The following SLC8A1 variants were observed in gnomAD, a reference collection of about 807,000 sequenced individuals.
SLC8A1 encodes sodium/calcium exchanger 1.
SLC8A1 carries 18 observed loss-of-function variants against 68.3 expected under a neutral mutation model. The observed-to-expected ratio is 0.26, with a 90% CI of 0.18 to 0.39. The LOEUF (loss-of-function observed/expected upper bound fraction) is 0.39, where lower values mean the gene tolerates loss of function less well. Ranked by LOEUF, SLC8A1 falls within the 10% of genes least tolerant of loss-of-function variation. The probability of loss-of-function intolerance (pLI) is 1.00; values close to 1 mark genes in which losing one functional copy is unlikely to be tolerated. For missense variants in SLC8A1, 985 were observed against 1,156.7 expected, an observed-to-expected ratio of 0.85 and a Z score of 2.15; for synonymous variants, 475 against 415.5, an observed-to-expected ratio of 1.14 and a Z score of -1.74.
At chr2:40,122,736 C>G (rs2037194809) in intron 7 of SLC8A1, among the ~76,000 whole-genome samples, 1 of 152,176 alleles carries the variant, frequency 6.6e-6, no homozygotes, top group African/African-American at 2.4e-5. Flanking sequence ...ACAATGATGC[C>G]TCCCTTAGAT....
intron 2 of SLC8A1, among the ~76,000 whole-genome samples, chr2:40,311,670 A>G (rs1016074869): frequency 6.6e-6 from 1 of 152,252 alleles, no homozygotes; most frequent in East Asian, 1.9e-4. Flanking sequence ...GTGGAATTAT[A>G]TAAGGATTTA....
intron 2 of SLC8A1, among the ~76,000 whole-genome samples, chr2:40,340,861 T>C (rs1235241009): frequency 6.6e-6 from 1 of 152,096 alleles, no homozygotes; most frequent in Non-Finnish European, 1.5e-5. Context: ...GACAATGAGA[T>C]AGCACGCACC....
chr2:40,405,049 C>T (rs1480862219), intron 2 of SLC8A1, among the ~76,000 whole-genome samples: 3 of 152,128 alleles, frequency 2.0e-5, no homozygotes, highest in Non-Finnish European at 4.4e-5. Flanking sequence ...TACTCCCCCT[C>T]CCCAGCCCCA....
intron 6 of SLC8A1, among the ~76,000 whole-genome samples, chr2:40,142,563 C>G (rs2148309756): frequency 6.6e-6 from 1 of 152,272 alleles, no homozygotes; most frequent in East Asian, 1.9e-4. Context: ...TACAAAATTA[C>G]TTAATTTGGG....
chr2:40,415,714 T>C (rs980097400), intron 2 of SLC8A1, among the ~76,000 whole-genome samples: 6 of 152,154 alleles, frequency 3.9e-5, no homozygotes, highest in African/African-American at 1.4e-4. Context: ...CAACCAGGTG[T>C]GGCCTGTTAT....
intron 2 of SLC8A1, among the ~76,000 whole-genome samples, chr2:40,271,167 C>T (rs775038830): frequency 2.1e-4 from 23 of 110,606 alleles, no homozygotes; most frequent in Admixed American, 5.3e-4. Context: ...ACAAGACCCC[C>T]AAGCCCCCCT....
intron 1 of SLC8A1, among the ~76,000 whole-genome samples, chr2:40,485,162 T>A (rs1704880344): frequency 6.6e-6 from 1 of 151,754 alleles, no homozygotes; most frequent in Non-Finnish European, 1.5e-5. Context: ...AGAACAACCA[T>A]CCCCTCCACC....
chr2:40,166,612 G>A (rs2148486345), intron 4 of SLC8A1, among the ~76,000 whole-genome samples: 1 of 152,246 alleles, frequency 6.6e-6, no homozygotes, highest in Admixed American at 6.5e-5. Context: ...ATGACCCAAG[G>A]GAAGGCAAAG....
At chr2:40,365,795 G>A (rs1318576052) in intron 2 of SLC8A1, among the ~76,000 whole-genome samples, 1 of 151,936 alleles carries the variant, frequency 6.6e-6, no homozygotes, top group Non-Finnish European at 1.5e-5. Flanking sequence ...GAGGCCAGGA[G>A]TTCAAGACCA....
At chr2:40,275,032 T>C (rs1291791368) in intron 2 of SLC8A1, among the ~76,000 whole-genome samples, 1 of 152,234 alleles carries the variant, frequency 6.6e-6, no homozygotes, top group Non-Finnish European at 1.5e-5. Context: ...GAAGCATTTT[T>C]AGCTAAAATG....
At chr2:40,114,113 ATACTC>A (rs1329404176) in exon 8 of SLC8A1, 4 of 152,784 alleles carry the variant, frequency 2.6e-5, no homozygotes, top group Admixed American at 2.0e-4. Flanking sequence ...AGTATGTACT[ATACTC>A]TACTATATAC....
At chr2:40,177,513 C>A (rs2048692918) in intron 3 of SLC8A1, among the ~76,000 whole-genome samples, 2 of 151,966 alleles carry the variant, frequency 1.3e-5, no homozygotes, top group Non-Finnish European at 2.9e-5. Flanking sequence ...TACAGAAATC[C>A]CTTTCAGTGT....
At chr2:40,439,242 C>A (rs1328175096) in intron 1 of SLC8A1, among the ~76,000 whole-genome samples, 1 of 152,024 alleles carries the variant, frequency 6.6e-6, no homozygotes, top group Non-Finnish European at 1.5e-5. Flanking sequence ...AAGAAACAAG[C>A]AAGGATTACT....
chr2:40,365,520 G>A (rs1269830131), intron 2 of SLC8A1, among the ~76,000 whole-genome samples: 4 of 152,006 alleles, frequency 2.6e-5, no homozygotes, highest in Non-Finnish European at 5.9e-5. Context: ...TAACAGCACT[G>A]CTCAAGAATC....
chr2:40,288,834 C>CATATATATATAT lies in SLC8A1; in HGVS notation c.1809-110991_1809-110980dup, dbSNP rs145077257. On this transcript the variant is annotated intron_variant, in intron 2 of 7. Coordinates refer to ENST00000406785, the Ensembl canonical transcript of SLC8A1. ...TTCGAAAATGTCTCTACTAAGTAAT[C>CATATATATATAT]ATATATATATATATATATGTATATA... 2.5e-4 allele frequency among the ~76,000 whole-genome samples: 33 copies of CATATATATATAT among 132,680 alleles called. 1 individual carries two copies. The highest frequency in any genetic ancestry group is 1.1e-3 in the African/African-American group (32 of 29,358). 87.0% of individuals were successfully genotyped at this position (132,680 alleles called of 152,430 possible). A position where few individuals can be genotyped will look rare whatever the true frequency, so the allele number is the denominator to read the frequency against.
chr2:40,160,699 C>A, intron 6 of SLC8A1, 66 bp downstream of exon 9: 2 of 1,405,850 alleles, frequency 1.4e-6, no homozygotes, highest in Non-Finnish European at 2.0e-6. Flanking sequence ...ACCAAGTAGC[C>A]ACAGTAGGAA....
chr2:40,150,051 T>TAAAAAA (rs56010293), intron 6 of SLC8A1, among the ~76,000 whole-genome samples: 1 of 121,774 alleles, frequency 8.2e-6, no homozygotes. Context: ...TCTTATTTGT[T>TAAAAAA]AAAAAAAAAA....
intron 1 of SLC8A1, among the ~76,000 whole-genome samples, chr2:40,468,994 T>G (rs552435697): frequency 6.6e-6 from 1 of 152,142 alleles, no homozygotes; most frequent in Non-Finnish European, 1.5e-5. Flanking sequence ...AATATTTCAA[T>G]ATATGCTTCT....
intron 1 of SLC8A1, among the ~76,000 whole-genome samples, chr2:40,430,947 G>A (rs371357729): frequency 4.9e-4 from 74 of 152,240 alleles, no homozygotes; most frequent in African/African-American, 1.7e-3. Context: ...TGAAATCAAA[G>A]CTCAATGGCA....
Sources: gnomAD v4.1 joint callset for allele counts (sites outside exome capture counted in the v4.1 genomes callset) on GRCh38, gnomAD v4.1.1 for gene constraint, MANE v1.5 for transcripts, NCBI Gene and HGNC (gene_info 2026-07-23, HGNC 2026-07-21) for gene names.